Variants in PDE9A observed in about 807,000 individuals in gnomAD.
PDE9A encodes the protein high affinity cGMP-specific 3',5'-cyclic phosphodiesterase 9A.
A neutral mutation model predicts 87.4 loss-of-function variants in PDE9A; 60 were observed. The observed-to-expected ratio is 0.69, with a 90% confidence interval of 0.56 to 0.85. PDE9A has a LOEUF of 0.85. Among genes scored for constraint, PDE9A ranks in the 40% least tolerant of loss-of-function variants. The pLI is 0.00. For synonymous variants in PDE9A, 272 were observed against 279.4 expected (o/e 0.97, Z 0.27); for missense variants, 665 against 779.0 (o/e 0.85, Z 1.74).
intron 19 of PDE9A, among the ~76,000 whole-genome samples, chr21:42,773,886 CAA>C (rs2057271656): frequency 6.7e-6 from 1 of 148,936 alleles, no homozygotes; most frequent in Non-Finnish European, 1.5e-5. Flanking sequence ...GGACGGATCA[CAA>C]GGTCAGGAGA....
chr21:42,754,184 C>CT (rs2147024076), intron 10 of PDE9A, 120 bp downstream of exon 10: 19 of 525,396 alleles, frequency 3.6e-5, no homozygotes, highest in African/African-American at 9.8e-5. Context: ...TTTTTAAAGA[C>CT]TGAAAAAAAA....
In PDE9A at chr21:42,705,688, AT is replaced by A. The variant is rs1250847601; in HGVS notation, c.262+6681del. Among the ~76,000 whole-genome samples the A allele has an allele frequency of 2.6e-5, 4 of 152,146 alleles. No individual in the cohort carries two copies. Among genetic ancestry groups the A allele is most frequent in the African/African-American group, 4.8e-5 (2 of 41,512 alleles). Reference sequence around the variant, plus strand: ...TATAGGAGAGCCAGGGGCCATCACGATTTTCTTAGGCACAGCAGCAGTTGAA... The same window carrying A: ...TATAGGAGAGCCAGGGGCCATCACGATTTCTTAGGCACAGCAGCAGTTGAA... On this transcript the variant is annotated intron_variant, in intron 4 of 19. Coordinates refer to ENST00000291539, the MANE Select transcript of PDE9A (RefSeq NM_002606.3). The surrounding 1 kb of genome is among the most constrained non-coding windows in gnomAD (Gnocchi z 4.3).
intron 1 of PDE9A, 145 bp downstream of exon 1, chr21:42,654,028 T>C (rs1476127115): frequency 1.1e-5 from 2 of 174,828 alleles, no homozygotes; most frequent in South Asian, 1.5e-4. Context: ...GGGGCGGGGG[T>C]CCCCACGCGC....
At chr21:42,672,575 T>A (rs1008413359) in intron 1 of PDE9A, among the ~76,000 whole-genome samples, 1 of 152,234 alleles carries the variant, frequency 6.6e-6, no homozygotes, top group Non-Finnish European at 1.5e-5. Flanking sequence ...AAAGGGCAGG[T>A]CCAGCTCAGT....
chr21:42,758,909 G>C, intron 10 of PDE9A, 90 bp from the exon 11 acceptor site: 1 of 956,054 alleles, frequency 1.0e-6, no homozygotes, highest in Non-Finnish European at 1.7e-6. Context: ...GGCCCTGCTG[G>C]CACTCCGAGG....
intron 4 of PDE9A, among the ~76,000 whole-genome samples, chr21:42,719,646 A>T (rs1359479186): frequency 1.1e-3 from 166 of 145,712 alleles, no homozygotes; most frequent in South Asian, 2.8e-3. Context: ...TCTCAAAAAA[A>T]AAAAAAAAAA....
intron 8 of PDE9A, among the ~76,000 whole-genome samples, chr21:42,746,746 T>G (rs2053891506): frequency 6.6e-6 from 1 of 152,194 alleles, no homozygotes. Context: ...GGAACTCCAG[T>G]GAGACATCAG....
In PDE9A at chr21:42,762,232, T is replaced by C; in HGVS notation, c.1235T>C (p.Ile412Thr). The C allele has an allele frequency of 6.2e-7, 1 of 1,613,862 alleles. No homozygotes were observed. The highest frequency in any genetic ancestry group is 1.1e-5 in the South Asian group (1 of 91,076). Residue 412 changes from isoleucine (I) to threonine (T), a missense_variant, in exon 14 of 20, where the codon ATC becomes ACC. Ile to Thr is a moderately conservative substitution (Grantham distance 89). Coordinates refer to ENST00000291539, the MANE Select transcript of PDE9A (RefSeq NM_002606.3). ...ATCCCACCTGATGGGTTCAAGCAGA[T>C]CCGACAGGTGTGTGGGGTGAGGGCC... ...SNIPPDGFKQ[I>T]RQGMITLILA...
chr21:42,699,451 G>T (rs2300958), intron 4 of PDE9A, among the ~76,000 whole-genome samples: 4 of 152,102 alleles, frequency 2.6e-5, no homozygotes, highest in Non-Finnish European at 5.9e-5. Flanking sequence ...TGTCCTCCCC[G>T]CTCCACTGTG....
chr21:42,770,559 G>C, intron 17 of PDE9A, 144 bp from the exon 18 acceptor site: 1 of 633,242 alleles, frequency 1.6e-6, no homozygotes, highest in Non-Finnish European at 2.9e-6. Flanking sequence ...AGTGGGTGGA[G>C]GCAGCAGAGC....
intron 8 of PDE9A, among the ~76,000 whole-genome samples, chr21:42,744,345 ACT>A (rs1027942611): frequency 1.3e-5 from 2 of 151,904 alleles, no homozygotes; most frequent in Admixed American, 6.6e-5. Context: ...ACAGAGCAAG[ACT>A]CTGTCTCAAG....
At chr21:42,761,145 G>A (rs1273021896) in intron 13 of PDE9A, among the ~76,000 whole-genome samples, 3 of 152,254 alleles carry the variant, frequency 2.0e-5, no homozygotes, top group Admixed American at 6.5e-5. Flanking sequence ...TCCCACTCCT[G>A]TGCGGGCCTG....
intron 1 of PDE9A, among the ~76,000 whole-genome samples, chr21:42,668,891 T>TCCCCC (rs1569112468): frequency 2.8e-4 from 31 of 108,792 alleles, no homozygotes; most frequent in Middle Eastern, 5.5e-3. Flanking sequence ...TCAGAGCTGC[T>TCCCCC]CCCTCCACCC....
rs186667719 is a variant in PDE9A, at chr21:42,759,370, G to T, written c.897+285G>T. Among the ~76,000 whole-genome samples, 8 of 144,996 alleles carry T rather than the reference G, an allele frequency of 5.5e-5. No individual in the cohort carries two copies. Among genetic ancestry groups the T allele is most frequent in the Admixed American group, 2.1e-4 (3 of 14,494 alleles). ...GCAAAGCAGCATGTCCTAAAGCAGC[G>T]GTGTGTGGGAGCGTGTGTGTGTGTG... On this transcript the variant is annotated intron_variant, in intron 11 of 19. Coordinates refer to ENST00000291539, the MANE Select transcript of PDE9A (RefSeq NM_002606.3). This position sits in a 1 kb window ranked among gnomAD's most constrained non-coding sequence, Gnocchi z 7.2.
At chr21:42,746,493 C>G (rs770109017) in intron 8 of PDE9A, among the ~76,000 whole-genome samples, 1 of 152,170 alleles carries the variant, frequency 6.6e-6, no homozygotes, top group African/African-American at 2.4e-5. Flanking sequence ...GTGCTCCCAT[C>G]CGTTCTGTCC....
At chr21:42,753,018 T>TG (rs776681105) in intron 9 of PDE9A, among the ~76,000 whole-genome samples, 1 of 140,298 alleles carries the variant, frequency 7.1e-6, no homozygotes, top group Non-Finnish European at 1.6e-5. Flanking sequence ...TTTTTATTAT[T>TG]ATTTTTGAGA....
rs1410661768 is a variant in PDE9A, at chr21:42,675,073, T to C, written c.70-11119T>C. Among the ~76,000 whole-genome samples, 1 of 152,262 alleles carries C rather than the reference T, an allele frequency of 6.6e-6. No homozygotes were observed. The highest frequency in any genetic ancestry group is 2.4e-5 in the African/African-American group (1 of 41,480). ...GTTAACACCGAAGTGCCACAGTTGC[T>C]GGCGTTCTCACACAGGTGTGCGTTT... is the stretch of plus-strand genomic sequence containing the variant. On this transcript the variant is annotated intron_variant, in intron 1 of 19. Transcript: ENST00000291539. The surrounding 1 kb of genome is among the most constrained non-coding windows in gnomAD (Gnocchi z 4.3).
intron 4 of PDE9A, among the ~76,000 whole-genome samples, chr21:42,703,232 C>A (rs1430377696): frequency 6.6e-6 from 1 of 152,208 alleles, no homozygotes; most frequent in Non-Finnish European, 1.5e-5. Context: ...ACATCAGGTG[C>A]ATGAGGAGCA....
intron 1 of PDE9A, among the ~76,000 whole-genome samples, chr21:42,670,614 ATC>A (rs1192035478): frequency 6.7e-6 from 1 of 149,186 alleles, no homozygotes; most frequent in East Asian, 2.0e-4. Flanking sequence ...CTCACACACT[ATC>A]ACATTCACAC....
Sources: gnomAD v4.1 joint callset for allele counts (sites outside exome capture counted in the v4.1 genomes callset) on GRCh38, gnomAD v4.1.1 for gene constraint, Gnocchi (gnomAD v3.1) non-coding constraint, MANE v1.5 for transcripts, NCBI Gene and HGNC (gene_info 2026-07-23, HGNC 2026-07-21) for gene names.